Variants in NTM observed in about 807,000 individuals in gnomAD.
NTM encodes the protein IgLON family member 2.
NTM carries 13 observed loss-of-function variants against 42.1 expected under a neutral mutation model. The observed-to-expected ratio is 0.31, with a 90% CI of 0.20 to 0.49. NTM has a LOEUF of 0.49. Ranked by LOEUF, NTM falls within the 20% of genes least tolerant of loss-of-function variation. The pLI, the probability that NTM is intolerant of heterozygous loss-of-function variation, is 0.99. For missense variants in NTM, 373 were observed against 452.8 expected, an observed-to-expected ratio of 0.82 and a Z score of 1.60; for synonymous variants, 187 against 179.2, an observed-to-expected ratio of 1.04 and a Z score of -0.35.
At chr11:131,545,091 G>T (rs576405272) in intron 1 of NTM, among the ~76,000 whole-genome samples, 1 of 151,902 alleles carries the variant, frequency 6.6e-6, no homozygotes, top group Admixed American at 6.6e-5. Flanking sequence ...TTTCTTTCTC[G>T]CTGGACTATT....
chr11:131,764,582 C>A (rs1019074410), intron 1 of NTM, among the ~76,000 whole-genome samples: 4 of 152,144 alleles, frequency 2.6e-5, no homozygotes, highest in African/African-American at 9.7e-5. Flanking sequence ...AATTACCTAA[C>A]CTCTGTGGAC....
At chr11:131,722,121 C>T (rs2078433513) in intron 1 of NTM, among the ~76,000 whole-genome samples, 1 of 150,984 alleles carries the variant, frequency 6.6e-6, no homozygotes, top group African/African-American at 2.4e-5. Context: ...GCTTGGCATA[C>T]AGTCAGTATC....
intron 2 of NTM, among the ~76,000 whole-genome samples, chr11:132,095,841 G>T (rs1447921615): frequency 6.6e-6 from 1 of 152,172 alleles, no homozygotes; most frequent in Non-Finnish European, 1.5e-5. Flanking sequence ...TTTGGCTCTG[G>T]CCGTAGCCCT....
At position 131,501,878 on chromosome 11, in the gene NTM, AGT is replaced by A. The variant is rs34828229; in HGVS notation, c.82+131006_82+131007del. Among the ~76,000 whole-genome samples the A allele has an allele frequency of 6.0e-5, 9 of 150,784 alleles. No homozygotes were observed. The South Asian group carries it at 6.3e-4, about 11-fold the overall frequency. On this transcript the variant is annotated intron_variant, in intron 1 of 8. Transcript: ENST00000683400. ...AAGAGAAGGTATGTATGTGTGTGTG[AGT>A]GTGTGTGTGTGTGTGCACATGTGAT...
intron 1 of NTM, among the ~76,000 whole-genome samples, chr11:131,707,458 G>C (rs2076703498): frequency 6.6e-6 from 1 of 152,096 alleles, no homozygotes; most frequent in African/African-American, 2.4e-5. Context: ...AAGAACATGA[G>C]ATTGCAGGTA....
chr11:131,913,593 C>T lies in NTM; in HGVS notation c.167+1945C>T, dbSNP rs1045169826. Among the ~76,000 whole-genome samples, 3 of 152,272 alleles carry T rather than the reference C, an allele frequency of 2.0e-5. No homozygotes were observed. The South Asian group carries it at 6.2e-4, about 32-fold the overall frequency. On this transcript the variant is annotated intron_variant, in intron 2 of 8. Transcript: ENST00000683400. ...GCTGACTTATCTTTCTTTGTCTTCC[C>T]TTTCATGGTTCTTTTTTCTCATTCT...
chr11:132,046,405 C>T (rs370504755), intron 2 of NTM, among the ~76,000 whole-genome samples: 175 of 151,888 alleles, frequency 1.2e-3, no homozygotes, highest in African/African-American at 4.1e-3. Context: ...AAACCCACCC[C>T]TTTACATAAC....
At chr11:131,750,237 C>A (rs1448555298) in intron 1 of NTM, among the ~76,000 whole-genome samples, 2 of 150,996 alleles carry the variant, frequency 1.3e-5, no homozygotes, top group African/African-American at 2.4e-5. Context: ...GTGTTGCCAC[C>A]TTTGTCCAGG....
chr11:132,018,589 G>A (rs11525415), intron 2 of NTM, among the ~76,000 whole-genome samples: 49,844 of 151,726 alleles, frequency 0.33, 9,241 homozygotes, highest in East Asian at 0.81. Flanking sequence ...CTTAGCATGG[G>A]TGTATGATCT....
Position 132,126,428 on chromosome 11 carries a change from G to A in NTM, c.168-19854G>A, listed in dbSNP as rs565781984. Among the ~76,000 whole-genome samples, 221 of 152,162 alleles carry A rather than the reference G, an allele frequency of 1.5e-3. 1 individual carries two copies. The highest frequency in any genetic ancestry group is 2.6e-3 in the Non-Finnish European group (174 of 67,998). The stretch of plus-strand genomic sequence containing the variant: ...CCCTTCTTTTCTGTGATAAGTGGGG[G>A]CTGAGCTGTTTGTGTTATGCAGAGG... On this transcript the variant is annotated intron_variant, in intron 2 of 8. Coordinates refer to ENST00000683400, the MANE Select transcript of NTM (RefSeq NM_001352005.2).
chr11:131,557,844 T>C (rs562781050), intron 1 of NTM, among the ~76,000 whole-genome samples: 1 of 152,264 alleles, frequency 6.6e-6, no homozygotes, highest in East Asian at 1.9e-4. Flanking sequence ...AATTGGAATA[T>C]CAAAAGAACT....
At chr11:131,864,386 C>T (rs1277076276) in intron 1 of NTM, among the ~76,000 whole-genome samples, 2 of 152,124 alleles carry the variant, frequency 1.3e-5, no homozygotes, top group African/African-American at 4.8e-5. Flanking sequence ...CAGGATTGGT[C>T]CAGGAACTCC....
chr11:131,390,435 G>A (rs1258678629), intron 1 of NTM, among the ~76,000 whole-genome samples: 3 of 152,174 alleles, frequency 2.0e-5, no homozygotes, highest in Admixed American at 6.5e-5. Flanking sequence ...AGAGGAAGGG[G>A]AAACTGAGTC....
At chr11:132,071,248 C>G (rs1402259511) in intron 2 of NTM, among the ~76,000 whole-genome samples, 2 of 133,084 alleles carry the variant, frequency 1.5e-5, no homozygotes, top group Non-Finnish European at 3.2e-5. Context: ...GTCACTCAGC[C>G]AAGTTAACAC....
chr11:132,262,079 C>G (rs1275793057), intron 4 of NTM, among the ~76,000 whole-genome samples: 1 of 152,192 alleles, frequency 6.6e-6, no homozygotes, highest in Non-Finnish European at 1.5e-5. Flanking sequence ...TCCACCCCCA[C>G]CCTATACAGA....
At chr11:132,016,189 T>A (rs1384975773) in intron 2 of NTM, among the ~76,000 whole-genome samples, 2 of 152,026 alleles carry the variant, frequency 1.3e-5, no homozygotes, top group East Asian at 3.9e-4. Flanking sequence ...TTCTTTGTTT[T>A]GTTGATGTGA....
intron 1 of NTM, among the ~76,000 whole-genome samples, chr11:131,756,038 A>C (rs1205559028): frequency 6.6e-6 from 1 of 152,256 alleles, no homozygotes; most frequent in Non-Finnish European, 1.5e-5. Context: ...ACAGGAGACA[A>C]GAGAAGCTCC....
At position 131,622,629 on chromosome 11, in the gene NTM, G is replaced by GT. The variant is rs549721519; in HGVS notation, c.82+251743dup. On this transcript the variant is annotated intron_variant, in intron 1 of 8. Transcript: ENST00000683400. Reference sequence around the variant, plus strand: ...ATGATATCTACTCCGTGACCACACAGTTAAGAAAGCACTGAAGTCAAAGGA... The same window carrying GT: ...ATGATATCTACTCCGTGACCACACAGTTTAAGAAAGCACTGAAGTCAAAGGA... 7.5e-3 allele frequency among the ~76,000 whole-genome samples: 1,142 copies of GT among 152,300 alleles called. 13 individuals are homozygous for GT. Among genetic ancestry groups the GT allele is most frequent in the Non-Finnish European group, 8.3e-3 (567 of 68,038 alleles).
chr11:131,555,030 C>A (rs2055214427), intron 1 of NTM, among the ~76,000 whole-genome samples: 1 of 152,150 alleles, frequency 6.6e-6, no homozygotes, highest in African/African-American at 2.4e-5. Context: ...TGTGTGGTGG[C>A]TTGTGCCAGT....
Sources: allele counts gnomAD v4.1 joint callset (sites outside exome capture counted in the v4.1 genomes callset), GRCh38; gene constraint gnomAD v4.1.1; transcripts MANE v1.5; gene names NCBI Gene and HGNC (gene_info 2026-07-23, HGNC 2026-07-21).